The following PIBF1 variants were observed in gnomAD, a reference collection of about 807,000 sequenced individuals.
PIBF1 encodes progesterone-induced-blocking factor 1.
Under a neutral mutation model 112.5 loss-of-function variants are expected in PIBF1, and 90 were observed. That is an observed-to-expected ratio of 0.80 (90% CI 0.67 to 0.95). The LOEUF (loss-of-function observed/expected upper bound fraction) is 0.95. PIBF1 is among the 40% of genes least tolerant of loss of function. PIBF1 has a pLI of 0.00. For missense variants in PIBF1, 915 were observed against 852.3 expected (o/e 1.07, Z -0.92); for synonymous variants, 301 against 288.6 (o/e 1.04, Z -0.44).
At chr13:72,970,649 AAGG>A (rs1311636282) in intron 15 of PIBF1, 4 of 152,304 alleles carry the variant, frequency 2.6e-5, no homozygotes, top group Admixed American at 2.6e-4. Context: ...ATGTGCTTAC[AAGG>A]AGATTTGTTT....
chr13:72,782,906 GTT>G lies in PIBF1; in HGVS notation c.-47-515_-47-514del, dbSNP rs370743462. ...TGTGTGTGTGTGTGTGTGTGTGTGTGTTTGTGTTTGTGTTGGGGGGGCGGTGA... is the reference window on the plus strand; with the variant it reads ...TGTGTGTGTGTGTGTGTGTGTGTGTGTGTGTTTGTGTTGGGGGGGCGGTGA... On this transcript the variant is annotated intron_variant, in intron 1 of 17. Transcript: ENST00000326291. 6.5e-3 allele frequency among the ~76,000 whole-genome samples: 905 copies of G among 139,684 alleles called. 2 individuals are homozygous for G. Among genetic ancestry groups the G allele is most frequent in the Middle Eastern group, 0.033 (9 of 274 alleles). The allele number at this position is 139,684 out of a possible 152,430, so 91.6% of individuals were successfully genotyped here.
At chr13:72,782,875 C>CGTGTGTGTGTGT (rs34618038) in intron 1 of PIBF1, among the ~76,000 whole-genome samples, 18 of 147,470 alleles carry the variant, frequency 1.2e-4, no homozygotes, top group African/African-American at 3.8e-4. Flanking sequence ...TCGTTAAGGG[C>CGTGTGTGTGTGT]GTGTGTGTGT....
intron 13 of PIBF1, among the ~76,000 whole-genome samples, chr13:72,928,010 TATATAC>T (rs1566458440): frequency 1.0e-4 from 6 of 58,324 alleles, no homozygotes; most frequent in Admixed American, 2.3e-4. Context: ...TATATACATA[TATATAC>T]ATATATATAC....
intron 13 of PIBF1, among the ~76,000 whole-genome samples, chr13:72,928,057 G>A (rs2041586924): frequency 9.4e-6 from 1 of 106,020 alleles, no homozygotes; most frequent in African/African-American, 3.9e-5. Context: ...ATATATATAT[G>A]AGGAAATGTG....
At chr13:72,877,176 A>G (rs1407428566) in intron 10 of PIBF1, among the ~76,000 whole-genome samples, 1 of 152,158 alleles carries the variant, frequency 6.6e-6, no homozygotes, top group Non-Finnish European at 1.5e-5. Flanking sequence ...GATGTGATGG[A>G]TCACATTAAT....
intron 6 of PIBF1, among the ~76,000 whole-genome samples, chr13:72,824,038 G>C (rs963297179): frequency 6.6e-6 from 1 of 152,028 alleles, no homozygotes; most frequent in South Asian, 2.1e-4. Flanking sequence ...TTTTGAGACA[G>C]AGTCTCACTT....
At chr13:72,814,040 A>G (rs1048313104) in intron 5 of PIBF1, among the ~76,000 whole-genome samples, 3 of 152,168 alleles carry the variant, frequency 2.0e-5, no homozygotes, top group African/African-American at 7.2e-5. Flanking sequence ...AGGTGAGGGA[A>G]TCGATGTACA....
chr13:73,010,279 C>T (rs2044155913), intron 17 of PIBF1, among the ~76,000 whole-genome samples: 1 of 118,790 alleles, frequency 8.4e-6, no homozygotes, highest in Non-Finnish European at 1.6e-5. Context: ...TACTAGAGTT[C>T]ATTACCCGTG....
intron 6 of PIBF1, among the ~76,000 whole-genome samples, chr13:72,823,760 A>G (rs907805267): frequency 6.6e-6 from 1 of 152,098 alleles, no homozygotes; most frequent in East Asian, 1.9e-4. Context: ...ACTTTTTTTT[A>G]CTAAAAGTTC....
In PIBF1 at chr13:72,927,966, T is replaced by TACAC. The variant is rs1203418872; in HGVS notation, c.1731-3198_1731-3197insCACA. On this transcript the variant is annotated intron_variant, in intron 13 of 17. Transcript: ENST00000326291. ...GTGTGTATATATATATATACACATA[T>TACAC]ATATATATATACATATATATATACA... Among the ~76,000 whole-genome samples the TACAC allele has an allele frequency of 1.1e-3, 110 of 99,412 alleles. 2 individuals carry two copies. The highest frequency in any genetic ancestry group is 5.5e-3 in the African/African-American group (82 of 15,020). The allele number at this position is 99,412 out of a possible 152,430, so 65.2% of individuals were successfully genotyped here.
chr13:72,949,768 A>G (rs917011650), intron 14 of PIBF1, among the ~76,000 whole-genome samples: 9 of 152,180 alleles, frequency 5.9e-5, no homozygotes, highest in African/African-American at 2.2e-4. Context: ...ATTAGTTGCT[A>G]TTCTGTTCTG....
In PIBF1 at chr13:72,903,510, A is replaced by G. The variant is rs546116661; in HGVS notation, c.1489-5021A>G. 2.6e-5 allele frequency among the ~76,000 whole-genome samples: 4 copies of G among 152,344 alleles called. No individual in the cohort carries two copies. The South Asian group carries it at 8.3e-4, about 32-fold the overall frequency. On this transcript the variant is annotated intron_variant, in intron 11 of 17. Coordinates refer to ENST00000326291, the MANE Select transcript of PIBF1 (RefSeq NM_006346.4). ...ATGATGCAAATATTCTATATCTGCA[A>G]TATCCAGTTCAGTAGCCACTTGCCA...
At chr13:72,896,228 A>G (rs2040277414) in intron 11 of PIBF1, among the ~76,000 whole-genome samples, 1 of 152,166 alleles carries the variant, frequency 6.6e-6, no homozygotes, top group Admixed American at 6.5e-5. Flanking sequence ...GGCTCACGGG[A>G]AGCCACATCC....
chr13:72,916,046 C>T (rs998572277), intron 12 of PIBF1, among the ~76,000 whole-genome samples: 34 of 151,874 alleles, frequency 2.2e-4, no homozygotes, highest in African/African-American at 7.7e-4. Flanking sequence ...AAAACTATAG[C>T]CTTTGATGAA....
chr13:72,951,637 G>A (rs893768077), intron 14 of PIBF1, among the ~76,000 whole-genome samples: 2 of 152,178 alleles, frequency 1.3e-5, no homozygotes, highest in Non-Finnish European at 2.9e-5. Flanking sequence ...TATGGAGTCA[G>A]TAAAACAGCA....
intron 10 of PIBF1, among the ~76,000 whole-genome samples, chr13:72,872,765 G>T (rs1252360875): frequency 2.0e-5 from 3 of 152,056 alleles, no homozygotes; most frequent in Admixed American, 2.0e-4. Flanking sequence ...AAGTTACTAT[G>T]AAAAAATTTA....
At chr13:72,948,119 C>T (rs1037466484) in intron 14 of PIBF1, among the ~76,000 whole-genome samples, 10 of 152,040 alleles carry the variant, frequency 6.6e-5, no homozygotes, top group Non-Finnish European at 1.5e-4. Flanking sequence ...AGGAGAAGTA[C>T]CTAGTGTAGA....
chr13:72,958,338 T>C (rs1201499417), intron 14 of PIBF1, among the ~76,000 whole-genome samples: 2 of 135,810 alleles, frequency 1.5e-5, no homozygotes, highest in Non-Finnish European at 3.1e-5. Flanking sequence ...AAAAAAGGAA[T>C]GCAGGGCCAC....
At chr13:72,929,420 A>G (rs2041634865) in intron 13 of PIBF1, among the ~76,000 whole-genome samples, 1 of 152,182 alleles carries the variant, frequency 6.6e-6, no homozygotes. Context: ...AAAAATTTAT[A>G]AAGAGAGAAA....
Sources: gnomAD v4.1 joint callset for allele counts (sites outside exome capture counted in the v4.1 genomes callset) on GRCh38, gnomAD v4.1.1 for gene constraint, MANE v1.5 for transcripts, NCBI Gene and HGNC (gene_info 2026-07-23, HGNC 2026-07-21) for gene names.